Variants in CSMD3 observed in about 807,000 individuals in gnomAD.
CSMD3 encodes CUB and Sushi multiple domains 3, also known as CUB and sushi domain-containing protein 3.
CSMD3 carries 177 observed loss-of-function variants against 435.2 expected under a neutral mutation model. That is an observed-to-expected ratio of 0.41 (90% CI 0.36 to 0.46). The LOEUF (loss-of-function observed/expected upper bound fraction) is 0.46, where lower values mean the gene tolerates loss of function less well. Among genes scored for constraint, CSMD3 ranks in the 20% least tolerant of loss-of-function variants. CSMD3 has a pLI of 0.34. For synonymous variants in CSMD3, 1,656 were observed against 1,520.5 expected, an observed-to-expected ratio of 1.09 and a Z score of -2.07; for missense variants, 4,265 against 4,504.6, an observed-to-expected ratio of 0.95 and a Z score of 1.52.
At chr8:112,290,929 T>C (rs931715426) in intron 56 of CSMD3, among the ~76,000 whole-genome samples, 1 of 152,058 alleles carries the variant, frequency 6.6e-6, no homozygotes. Context: ...TGTGTTACTT[T>C]AAGCATCTTG....
At chr8:112,408,726 G>T (rs1208375776) in intron 33 of CSMD3, among the ~76,000 whole-genome samples, 193 bp downstream of exon 33, 1 of 151,696 alleles carries the variant, frequency 6.6e-6, no homozygotes, top group African/African-American at 2.4e-5. Flanking sequence ...CAATCCCAGA[G>T]AATAGTTGGT....
At chr8:112,721,137 C>T (rs536180414) in intron 13 of CSMD3, among the ~76,000 whole-genome samples, 1 of 151,892 alleles carries the variant, frequency 6.6e-6, no homozygotes, top group Middle Eastern at 3.4e-3. Context: ...GTAGATCTCA[C>T]AAGTATCAAT....
At position 112,976,102 on chromosome 8, in the gene CSMD3, C is replaced by T. The variant is rs1236301442; in HGVS notation, c.1077G>A (p.Glu359=). The T allele has an allele frequency of 3.1e-6, 5 of 1,613,910 alleles. No homozygotes were observed. The highest frequency in any genetic ancestry group is 1.7e-5 in the Admixed American group (1 of 59,978). ...THTTSTGELE[E]HNRTTTGAIA... The stretch of plus-strand genomic sequence containing the variant: ...TAGCACCAGTGGTAGTCCTGTTATG[C>T]TCCTCTAACTCACCAGTGGAGGTAG... The change falls in exon 7 of 71, where the codon GAG becomes GAA. Residue 359 remains glutamate (E), a synonymous_variant. Coordinates refer to ENST00000297405, the MANE Select transcript of CSMD3 (RefSeq NM_198123.2).
intron 6 of CSMD3, among the ~76,000 whole-genome samples, chr8:113,018,063 T>A (rs2086537247): frequency 6.6e-6 from 1 of 152,046 alleles, no homozygotes; most frequent in Non-Finnish European, 1.5e-5. Context: ...TTGTCGAAAA[T>A]CTTGATTTTA....
chr8:112,496,879 GTATTT>G (rs1821406540), intron 30 of CSMD3, among the ~76,000 whole-genome samples: 1 of 151,936 alleles, frequency 6.6e-6, no homozygotes, highest in Non-Finnish European at 1.5e-5. Context: ...ATAAGATCCA[GTATTT>G]GATAGCACAA....
At chr8:112,635,980 T>A (rs533620274) in intron 22 of CSMD3, among the ~76,000 whole-genome samples, 1 of 152,286 alleles carries the variant, frequency 6.6e-6, no homozygotes, top group South Asian at 2.1e-4. Context: ...GTGCTTGTGA[T>A]AATTTTCAAT....
At chr8:112,870,639 A>G (rs1446907783) in intron 10 of CSMD3, among the ~76,000 whole-genome samples, 1 of 152,112 alleles carries the variant, frequency 6.6e-6, no homozygotes, top group Non-Finnish European at 1.5e-5. Flanking sequence ...CAAAATGACT[A>G]TTAGATAATA....
chr8:113,349,025 T>C (rs1052459957), intron 1 of CSMD3, among the ~76,000 whole-genome samples: 1 of 152,096 alleles, frequency 6.6e-6, no homozygotes, highest in Admixed American at 6.6e-5. Context: ...TTTATAATGT[T>C]GATTAGTGTA....
At chr8:113,186,102 T>G (rs1272415364) in intron 3 of CSMD3, among the ~76,000 whole-genome samples, 2 of 152,012 alleles carry the variant, frequency 1.3e-5, no homozygotes, top group East Asian at 3.9e-4. Context: ...AGGAGAGCAC[T>G]CCGGGATATT....
rs1459166485 is a variant in CSMD3 at position 112,244,535 on chromosome 8, T to C, written c.10261A>G (p.Asn3421Asp). ...CKQPETPAHANVVGMDLPSHG... is the reference protein window; with the variant it reads ...CKQPETPAHADVVGMDLPSHG... ...GATGGAAGGTCCATCCCTACGACAT[T>C]TGCATGAGCAGGAGTTTCTGGCTGT... is the stretch of plus-strand genomic sequence containing the variant. Residue 3421 changes from asparagine to aspartate, a missense_variant, in exon 65 of 71, where the codon AAT becomes GAT. By Grantham distance (23) the Asn-to-Asp change is conservative (BLOSUM62 1). Around this residue, in one of 3 missense-constraint regions of CSMD3, gnomAD observed 3,255 missense variants for 3,380.2 expected, o/e 0.96. Coordinates refer to ENST00000297405, the MANE Select transcript of CSMD3 (RefSeq NM_198123.2). 9 of 1,613,762 alleles carry C rather than the reference T, an allele frequency of 5.6e-6. No homozygotes were observed. In the South Asian group the frequency reaches 8.8e-5, roughly 16 times the overall value.
chr8:113,169,541 A>T (rs1201964588), intron 4 of CSMD3, among the ~76,000 whole-genome samples: 1 of 152,044 alleles, frequency 6.6e-6, no homozygotes, highest in Non-Finnish European at 1.5e-5. Context: ...ACTCTTTTAA[A>T]ATTTTCTTTG....
chr8:113,195,818 C>T lies in CSMD3; in HGVS notation c.515-21902G>A, dbSNP rs866542510. Among the ~76,000 whole-genome samples the T allele has an allele frequency of 4.5e-3, 503 of 112,934 alleles. 1 individual carries two copies. The highest frequency in any genetic ancestry group is 0.016 in the African/African-American group (419 of 25,768). The allele number at this position is 112,934 out of a possible 152,430, so 74.1% of individuals were successfully genotyped here. Reference sequence around the variant, plus strand: ...ATATATATATATATATATATATACACACACACACACACACACACACACCCC... The same window carrying T: ...ATATATATATATATATATATATACATACACACACACACACACACACACCCC... On this transcript the variant is annotated intron_variant, in intron 3 of 70. Transcript: ENST00000297405.
intron 13 of CSMD3, among the ~76,000 whole-genome samples, chr8:112,789,806 T>C (rs1325682313): frequency 6.6e-6 from 1 of 152,012 alleles, no homozygotes; most frequent in Admixed American, 6.6e-5. Context: ...TGGGGAAATA[T>C]TTGTAAAATA....
intron 10 of CSMD3, among the ~76,000 whole-genome samples, chr8:112,910,615 C>T (rs561390869): frequency 6.6e-6 from 1 of 151,926 alleles, no homozygotes; most frequent in East Asian, 2.0e-4. Context: ...TGGCTCAGAT[C>T]TCACCTGTAT....
chr8:113,419,065 A>G (rs1276228434), intron 1 of CSMD3, among the ~76,000 whole-genome samples: 2 of 151,862 alleles, frequency 1.3e-5, no homozygotes, highest in Non-Finnish European at 2.9e-5. Flanking sequence ...TTAATACATA[A>G]TATTTGTACA....
intron 27 of CSMD3, among the ~76,000 whole-genome samples, chr8:112,525,193 G>A (rs573791776): frequency 2.0e-5 from 3 of 151,676 alleles, no homozygotes; most frequent in South Asian, 4.2e-4. Flanking sequence ...ATTTTCACAT[G>A]TACTGAATTT....
chr8:112,556,975 G>T, intron 24 of CSMD3, 21 bp from the exon 25 acceptor site: 1 of 1,512,350 alleles, frequency 6.6e-7, no homozygotes, highest in Non-Finnish European at 9.2e-7. Flanking sequence ...AATATAAATT[G>T]ATTAAAGGCA....
At chr8:113,100,080 T>C (rs539988048) in intron 4 of CSMD3, among the ~76,000 whole-genome samples, 7 of 152,228 alleles carry the variant, frequency 4.6e-5, no homozygotes, top group Non-Finnish European at 8.8e-5. Flanking sequence ...GCTTTGTTAT[T>C]AGAGACAACT....
chr8:112,704,365 T>C (rs1342378423), intron 13 of CSMD3, among the ~76,000 whole-genome samples: 3 of 152,122 alleles, frequency 2.0e-5, no homozygotes, highest in Admixed American at 2.0e-4. Context: ...ATATGTTACT[T>C]GAAATATCAT....
Sources: gnomAD v4.1 joint callset for allele counts (sites outside exome capture counted in the v4.1 genomes callset) on GRCh38, gnomAD v4.1.1 for gene constraint, gnomAD v4.1.1 regional missense constraint, MANE v1.5 for transcripts, NCBI Gene and HGNC (gene_info 2026-07-23, HGNC 2026-07-21) for gene names.